The following UGT1A6 variants were observed in gnomAD, a reference collection of about 807,000 sequenced individuals.
The protein encoded by UGT1A6 is UDP-glucuronosyltransferase 1A6.
In UGT1A6, 32 loss-of-function variants were observed where a neutral mutation model predicts 44.4. The ratio of observed to expected loss-of-function variants is 0.72; its 90% CI spans 0.54 to 0.97. The LOEUF (loss-of-function observed/expected upper bound fraction) is 0.97. Ranked by LOEUF, UGT1A6 falls within the 50% of genes least tolerant of loss-of-function variation. The pLI, the probability that UGT1A6 is intolerant of heterozygous loss-of-function variation, is 0.00. For synonymous variants in UGT1A6, 238 were observed against 248.5 expected, an observed-to-expected ratio of 0.96 and a Z score of 0.40; for missense variants, 685 against 661.9, an observed-to-expected ratio of 1.03 and a Z score of -0.38.
At chr2:233,743,173 A>G (rs890417229) in intron 1 of UGT1A6, 7 of 365,612 alleles carry the variant, frequency 1.9e-5, no homozygotes, top group African/African-American at 1.5e-4. Flanking sequence ...GCTTAAAGTC[A>G]AATGTGGACT....
chr2:233,739,456 G>A (rs1691109479), intron 1 of UGT1A6, among the ~76,000 whole-genome samples: 1 of 152,244 alleles, frequency 6.6e-6, no homozygotes, highest in African/African-American at 2.4e-5. Flanking sequence ...CACAGGGTTG[G>A]AGCTGCCTGA....
intron 1 of UGT1A6, among the ~76,000 whole-genome samples, chr2:233,762,024 AT>A (rs967311965): frequency 2.6e-5 from 4 of 151,856 alleles, no homozygotes; most frequent in Non-Finnish European, 4.4e-5. Context: ...TTTGTATTTT[AT>A]TTTTTTTAAT....
chr2:233,760,775 A>G, intron 1 of UGT1A6: 2 of 1,613,738 alleles, frequency 1.2e-6, no homozygotes, highest in Non-Finnish European at 1.7e-6. Context: ...GTGGCCCAGT[A>G]CCTGTCTCTG....
intron 1 of UGT1A6, among the ~76,000 whole-genome samples, chr2:233,716,226 A>G (rs1309299393): frequency 1.3e-5 from 2 of 152,106 alleles, no homozygotes; most frequent in African/African-American, 4.8e-5. Context: ...AGCCCTTGTG[A>G]TTACATTGTC....
upstream of UGT1A6, chr2:233,692,868 A>G: frequency 2.7e-6 from 4 of 1,483,334 alleles, no homozygotes; most frequent in Non-Finnish European, 3.6e-6. Flanking sequence ...TACATATCAA[A>G]GGGTAAAATT....
chr2:233,729,188 G>A, intron 1 of UGT1A6: 4 of 1,613,988 alleles, frequency 2.5e-6, no homozygotes, highest in Non-Finnish European at 3.4e-6. Context: ...CTTCTCCTCA[G>A]TGTCCAGCCC....
intron 1 of UGT1A6, among the ~76,000 whole-genome samples, chr2:233,699,257 C>T (rs2075494314): frequency 6.6e-6 from 1 of 152,074 alleles, no homozygotes; most frequent in African/African-American, 2.4e-5. Context: ...CTTTCCTCTT[C>T]CTATAGGGGC....
At chr2:233,747,803 A>G in intron 1 of UGT1A6, 1 of 1,613,426 alleles carries the variant, frequency 6.2e-7, no homozygotes, top group African/African-American at 1.3e-5. Context: ...TTCCTAAGTT[A>G]CTAACGACCA....
At chr2:233,725,703 A>G (rs2077468684) in intron 1 of UGT1A6, among the ~76,000 whole-genome samples, 1 of 152,222 alleles carries the variant, frequency 6.6e-6, no homozygotes, top group South Asian at 2.1e-4. Flanking sequence ...ATATGTAGTT[A>G]GTGACTACCA....
At chr2:233,728,823 T>G (rs1575576976) in intron 1 of UGT1A6, among the ~76,000 whole-genome samples, 2 of 152,200 alleles carry the variant, frequency 1.3e-5, no homozygotes, top group East Asian at 1.9e-4. Context: ...ATGAAATGGG[T>G]GTTCACAGCC....
chr2:233,743,929 G>A (rs1692592550), intron 1 of UGT1A6: 10 of 1,360,304 alleles, frequency 7.4e-6, no homozygotes, highest in Non-Finnish European at 9.8e-6. Flanking sequence ...TGGATGGCCA[G>A]AACGGCCCAC....
At chr2:233,697,854 T>A (rs1429230679) in intron 1 of UGT1A6, among the ~76,000 whole-genome samples, 1 of 152,198 alleles carries the variant, frequency 6.6e-6, no homozygotes, top group Non-Finnish European at 1.5e-5. Flanking sequence ...TAAGCAAAAG[T>A]TATGCATTTA....
intron 1 of UGT1A6, chr2:233,755,528 C>G (rs1695950556): frequency 6.3e-6 from 1 of 159,796 alleles, no homozygotes; most frequent in South Asian, 1.8e-4. Flanking sequence ...CGGCCTCCAA[C>G]CAGCCATGGT....
chr2:233,747,487 T>A lies in UGT1A6; in HGVS notation c.862-19547T>A, dbSNP rs547060406. 1.9e-5 allele frequency: 31 copies of A among 1,608,702 alleles called. 1 individual carries two copies. In the South Asian group the frequency reaches 2.7e-4, roughly 14 times the overall value. On this transcript the variant is annotated intron_variant, in intron 1 of 4. Transcript: ENST00000305139. ...TGGACCCAGGATGAATTTGATCGCC[T>A]TGTGCTGGGCCACACTCAACTGTAC...
At chr2:233,756,792 A>G (rs1306951497) in intron 1 of UGT1A6, among the ~76,000 whole-genome samples, 1 of 152,054 alleles carries the variant, frequency 6.6e-6, no homozygotes, top group Non-Finnish European at 1.5e-5. Context: ...TTGTGGGGCA[A>G]TACACTAGTA....
chr2:233,762,413 T>A (rs977567909), intron 1 of UGT1A6, among the ~76,000 whole-genome samples: 9 of 152,252 alleles, frequency 5.9e-5, no homozygotes, highest in African/African-American at 2.2e-4. Flanking sequence ...GGTTGCTTTT[T>A]CTACAAAATA....
chr2:233,721,861 C>G, intron 1 of UGT1A6: 1 of 507,540 alleles, frequency 2.0e-6, no homozygotes, highest in South Asian at 1.4e-5. Context: ...CTGCTCGGCC[C>G]TGGGCACACT....
chr2:233,744,056 G>A (rs1039365766), intron 1 of UGT1A6: 4 of 611,070 alleles, frequency 6.5e-6, no homozygotes, highest in Admixed American at 3.6e-5. Context: ...CTCATTGGTC[G>A]AGGCCTATGA....
In UGT1A6 at chr2:233,768,019, T is replaced by C. The variant is rs1002687520; in HGVS notation, c.1081+83T>C. The C allele has an allele frequency of 6.2e-6, 10 of 1,613,626 alleles. No individual in the cohort carries two copies. In the African/African-American group the frequency reaches 1.2e-4, roughly 19 times the overall value. On this transcript the variant is annotated intron_variant, in intron 3 of 4. Coordinates refer to ENST00000305139, the MANE Select transcript of UGT1A6 (RefSeq NM_001072.4). ...TAAGCACAGCTATTCTAAAGGATTG[T>C]TGAGCTTGAAAATATTATGGCCAAC...
Sources: gnomAD v4.1 joint callset for allele counts (sites outside exome capture counted in the v4.1 genomes callset) on GRCh38, gnomAD v4.1.1 for gene constraint, MANE v1.5 for transcripts, NCBI Gene and HGNC (gene_info 2026-07-23, HGNC 2026-07-21) for gene names.